PGAP6: variants seen among roughly 807,000 people sequenced by gnomAD.
The protein encoded by PGAP6 is post-GPI attachment to proteins 6.
A neutral mutation model predicts 68.4 loss-of-function variants in PGAP6; 62 were observed. The observed-to-expected ratio is 0.91, with a 90% confidence interval of 0.74 to 1.12. The LOEUF (loss-of-function observed/expected upper bound fraction) is 1.12. PGAP6 is among the 50% of genes most tolerant of loss of function. PGAP6 has a pLI of 0.00. For synonymous variants in PGAP6, 575 were observed against 474.0 expected, an observed-to-expected ratio of 1.21 and a Z score of -2.77; for missense variants, 1,188 against 1,068.5, an observed-to-expected ratio of 1.11 and a Z score of -1.56.
chr16:373,408 G>T (rs1435199409), intron 11 of PGAP6, among the ~76,000 whole-genome samples: 1 of 152,190 alleles, frequency 6.6e-6, no homozygotes, highest in African/African-American at 2.4e-5. Context: ...GGGAGCATGG[G>T]TGGGGGCTTC....
At chr16:381,046 G>A (rs1472179212) in intron 1 of PGAP6, among the ~76,000 whole-genome samples, 3 of 152,244 alleles carry the variant, frequency 2.0e-5, no homozygotes, top group African/African-American at 4.8e-5. Flanking sequence ...TGGTCCAGCC[G>A]CCTCCTTGGA....
Position 377,732 on chromosome 16 carries a change from G to A in PGAP6, c.238C>T (p.Arg80Cys), listed in dbSNP as rs764747772. 52 of 1,597,022 alleles carry A rather than the reference G, an allele frequency of 3.3e-5. No individual in the cohort carries two copies. In the Middle Eastern group the frequency reaches 5.0e-4, roughly 15 times the overall value. ...TCCCGGGAGACCTGCAGGAGCCAGCGTAGAAGCACAGCATCTGGGGGCACG... is the reference window on the plus strand; with the variant it reads ...TCCCGGGAGACCTGCAGGAGCCAGCATAGAAGCACAGCATCTGGGGGCACG... ...FRVPPDAVLLRWLLQVSRESG... is the reference protein window; with the variant it reads ...FRVPPDAVLLCWLLQVSRESG... Residue 80 changes from arginine (R) to cysteine (C), a missense_variant, in exon 2 of 13, where the codon CGC (arginine) becomes TGC (cysteine). Transcript: ENST00000431232.
Position 374,779 on chromosome 16 carries a change from T to A in PGAP6, c.1553A>T (p.Tyr518Phe). ...CLLLRRHSYL[Y>F]ASCSCKAGWR... ...ACCTGCCTTGCAGCTGCAGCTGGCA[T>A]ACAGGTAGCTGTGTCTGCGGAGCAG... Residue 518 changes from tyrosine to phenylalanine, a missense_variant, in exon 9 of 13, where the codon TAT becomes TTT. By Grantham distance (22) the Tyr-to-Phe change is conservative. Transcript: ENST00000431232. 6.2e-7 allele frequency: 1 copy of A among 1,612,720 alleles called. No homozygotes were observed. The highest frequency in any genetic ancestry group is 1.3e-5 in the African/African-American group (1 of 75,052).
At position 375,450 on chromosome 16, in the gene PGAP6, G is replaced by A. The variant is rs775503821; in HGVS notation, c.1225-15C>T. 9.9e-6 allele frequency: 16 copies of A among 1,610,176 alleles called. No individual in the cohort carries two copies. Among genetic ancestry groups the A allele is most frequent in the Admixed American group, 5.0e-5 (3 of 60,018 alleles). ...CGCATCTCTGTCTGGAAAGGGAGGC[G>A]GTGCCGGCTCAGCTCCAGCAGCCCC... On this transcript the variant is annotated splice_polypyrimidine_tract_variant and intron_variant, in intron 6 of 12. Transcript: ENST00000431232.
intron 11 of PGAP6, 129 bp downstream of exon 11, chr16:373,876 C>G (rs201832700): frequency 1.9e-5 from 23 of 1,189,738 alleles, no homozygotes; most frequent in Non-Finnish European, 2.3e-5. Context: ...CATGCTCGGC[C>G]GAGATGTGAG....
intron 1 of PGAP6, among the ~76,000 whole-genome samples, chr16:378,347 CTCTGACTGCCAT>C (rs2054408621): frequency 7.5e-6 from 1 of 132,956 alleles, no homozygotes; most frequent in Non-Finnish European, 1.6e-5. Flanking sequence ...GCCATCGCCA[CTCTGACTGCCAT>C]CCCCACCCGC....
upstream of PGAP6, among the ~76,000 whole-genome samples, chr16:385,184 A>G (rs2141771440): frequency 6.6e-6 from 1 of 151,898 alleles, no homozygotes; most frequent in Middle Eastern, 3.4e-3. Flanking sequence ...AAAAAAATGT[A>G]ATGGAGAACA....
intron 1 of PGAP6, among the ~76,000 whole-genome samples, chr16:380,492 G>T (rs1179414789): frequency 5.9e-5 from 9 of 151,562 alleles, no homozygotes; most frequent in Admixed American, 5.3e-4. Context: ...TCAGCCTCCC[G>T]AGTGGCTGGG....
intron 1 of PGAP6, among the ~76,000 whole-genome samples, chr16:380,489 C>T (rs1409397726): frequency 6.6e-6 from 1 of 152,068 alleles, no homozygotes; most frequent in Admixed American, 6.6e-5. Flanking sequence ...GCCTCAGCCT[C>T]CCGAGTGGCT....
upstream of PGAP6, chr16:381,991 C>T (rs1418803562): frequency 2.1e-6 from 2 of 949,170 alleles, no homozygotes; most frequent in African/African-American, 1.8e-5. Flanking sequence ...CGCCCGCAGG[C>T]CCCGCCCCGC....
At chr16:385,591 A>T (rs113246172), upstream of PGAP6, among the ~76,000 whole-genome samples, 467 of 137,988 alleles carry the variant, frequency 3.4e-3, 10 homozygotes, top group Middle Eastern at 0.014. Flanking sequence ...GATTACAGGC[A>T]TGAGCCACAG....
chr16:376,045 T>TCCC (rs1202843779), intron 6 of PGAP6, 91 bp downstream of exon 6: 2 of 1,315,838 alleles, frequency 1.5e-6, no homozygotes, highest in African/African-American at 3.0e-5. Context: ...GTGCCGCCTG[T>TCCC]CCCGTGCCAA....
chr16:386,440 G>A (rs372990910), upstream of PGAP6, among the ~76,000 whole-genome samples: 78 of 151,966 alleles, frequency 5.1e-4, 1 homozygote, highest in East Asian at 0.014. Flanking sequence ...TTCCCACTCC[G>A]CCCCGAGTTT....
Position 377,085 on chromosome 16 carries a change from G to C in PGAP6, c.587C>G (p.Pro196Arg). 3.7e-6 allele frequency: 6 copies of C among 1,613,518 alleles called. No homozygotes were observed. The highest frequency in any genetic ancestry group is 5.1e-6 in the Non-Finnish European group (6 of 1,180,008). ...GAGGGTCTGAGGAAGGGGCACGTCC[G>C]GCTCCATGATGGAAATCTCGACCAC... Reference protein sequence around the residue: ...TRVVEISIMEPDVPLPQTLLS... With the variant: ...TRVVEISIMERDVPLPQTLLS... The change falls in exon 4 of 13, where the codon CCG becomes CGG. Residue 196 changes from proline to arginine, a missense_variant. Physicochemically the swap from Pro to Arg is moderately radical, Grantham distance 103. Coordinates refer to ENST00000431232, the MANE Select transcript of PGAP6 (RefSeq NM_021259.3).
Position 376,120 on chromosome 16 carries a change from T to A in PGAP6, c.1224+16A>T, listed in dbSNP as rs754049601. On this transcript the variant is annotated intron_variant, in intron 6 of 12. Transcript: ENST00000431232. ...GCCCGAGCCCAGGCCACAGGCCGCT[T>A]GCAGACAGCAGGTACCTTGTTGGCC... The A allele has an allele frequency of 3.8e-6, 6 of 1,585,630 alleles. No individual in the cohort carries two copies. In the African/African-American group the frequency reaches 8.1e-5, roughly 21 times the overall value.
chr16:382,446 G>T, upstream of PGAP6: 1 of 375,458 alleles, frequency 2.7e-6, no homozygotes, highest in Non-Finnish European at 4.7e-6. Context: ...GGGGACCCCC[G>T]GGCCGGCCTT....
chr16:381,994 CGCCCCGCAGGCCGA>C (rs2054444406), upstream of PGAP6: 4 of 948,638 alleles, frequency 4.2e-6, no homozygotes, highest in Non-Finnish European at 3.8e-6. Context: ...CCGCAGGCCC[CGCCCCGCAGGCCGA>C]GCCGGGAAGG....
intron 1 of PGAP6, among the ~76,000 whole-genome samples, chr16:381,432 G>A (rs1331527207): frequency 1.3e-5 from 2 of 151,916 alleles, no homozygotes; most frequent in African/African-American, 4.8e-5. Context: ...GGCGCTCTGG[G>A]AGGAGGAGGG....
At chr16:374,434 G>A (rs1329040334) in intron 9 of PGAP6, 35 bp from the exon 10 acceptor site, 8 of 1,527,704 alleles carry the variant, frequency 5.2e-6, no homozygotes, top group Non-Finnish European at 7.0e-6. Flanking sequence ...GAGGCTGGGG[G>A]CACTGCTGAA....
Sources: allele counts gnomAD v4.1 joint callset (sites outside exome capture counted in the v4.1 genomes callset), GRCh38; gene constraint gnomAD v4.1.1; transcripts MANE v1.5; gene names NCBI Gene and HGNC (gene_info 2026-07-23, HGNC 2026-07-21).